SMG6: variants seen among roughly 807,000 people sequenced by gnomAD.
SMG6 encodes SMG6 nonsense mediated mRNA decay factor.
SMG6 carries 66 observed loss-of-function variants against 142.2 expected under a neutral mutation model. The ratio of observed to expected loss-of-function variants is 0.46; its 90% CI spans 0.38 to 0.57. SMG6 has a LOEUF of 0.57. Among genes scored for constraint, SMG6 ranks in the 20% least tolerant of loss-of-function variants. The pLI is 0.00. For synonymous variants in SMG6, 779 were observed against 702.4 expected (o/e 1.11, Z -1.72); for missense variants, 1,793 against 1,832.0 (o/e 0.98, Z 0.39).
chr17:2,105,474 C>G (rs773499853), intron 13 of SMG6, among the ~76,000 whole-genome samples: 1 of 152,028 alleles, frequency 6.6e-6, no homozygotes, highest in African/African-American at 2.4e-5. Context: ...ACTTGGGAGG[C>G]GGAGAGTGCA....
chr17:2,075,766 C>G (rs772200441), intron 15 of SMG6, among the ~76,000 whole-genome samples: 7 of 152,256 alleles, frequency 4.6e-5, no homozygotes, highest in Non-Finnish European at 8.8e-5. Context: ...ACAGGAGGAG[C>G]TGTCTCAGGC....
Position 2,300,038 on chromosome 17 carries a change from CCGGCCTCCCGCGGGCT to C in SMG6, c.699_714del (p.Arg235ProfsTer34). The C allele has an allele frequency of 6.2e-7, 1 of 1,614,178 alleles. No homozygotes were observed. The highest frequency in any genetic ancestry group is 8.5e-7 in the Non-Finnish European group (1 of 1,180,038). On this transcript the variant is annotated frameshift_variant, in exon 2 of 19. Transcript: ENST00000263073. LOFTEE classifies it high-confidence loss of function. The stretch of plus-strand genomic sequence containing the variant: ...GAGCGGGAGTAGCGCTTTGCGGAGC[CCGGCCTCCCGCGGGCT>C]GGGTCGTCGTGGGTTTCCCTCACCC...
chr17:2,219,363 C>T (rs1370850531), intron 10 of SMG6, among the ~76,000 whole-genome samples: 1 of 151,974 alleles, frequency 6.6e-6, no homozygotes, highest in Non-Finnish European at 1.5e-5. Context: ...CCAGCCTGGG[C>T]GGCAGAGCGA....
chr17:2,171,142 T>C (rs550426335), intron 13 of SMG6, among the ~76,000 whole-genome samples: 28 of 151,740 alleles, frequency 1.8e-4, no homozygotes, highest in Middle Eastern at 3.2e-3. Context: ...GGTATGAAGG[T>C]GGGTGCCTGT....
chr17:2,103,895 C>T (rs1018233365), intron 13 of SMG6, among the ~76,000 whole-genome samples: 1 of 152,102 alleles, frequency 6.6e-6, no homozygotes, highest in African/African-American at 2.4e-5. Context: ...CCAGCAACAC[C>T]TCTGTGATGG....
At chr17:2,073,073 T>TTTTTGTTTTG (rs202210323) in intron 15 of SMG6, 3 of 152,140 alleles carry the variant, frequency 2.0e-5, no homozygotes, top group South Asian at 2.1e-4. Context: ...TGATGTGTTT[T>TTTTTGTTTTG]TTTTGTTTTG....
chr17:2,283,819 A>C (rs2074845281), intron 6 of SMG6, 84 bp from the exon 7 acceptor site: 4 of 1,001,844 alleles, frequency 4.0e-6, no homozygotes, highest in South Asian at 2.7e-5. Context: ...AAACCCTACT[A>C]TCTCTCCCAG....
intron 13 of SMG6, among the ~76,000 whole-genome samples, chr17:2,138,796 A>G (rs2070383999): frequency 6.6e-6 from 1 of 152,228 alleles, no homozygotes; most frequent in African/African-American, 2.4e-5. Context: ...TCTCCTAGAA[A>G]TTACTGTATG....
At chr17:2,159,135 C>T (rs1278380388) in intron 13 of SMG6, among the ~76,000 whole-genome samples, 2 of 152,164 alleles carry the variant, frequency 1.3e-5, no homozygotes, top group East Asian at 3.9e-4. Flanking sequence ...ACTATTAAAA[C>T]TATGGCCAGG....
chr17:2,206,332 C>A (rs2072679979), intron 10 of SMG6, among the ~76,000 whole-genome samples: 1 of 152,016 alleles, frequency 6.6e-6, no homozygotes. Flanking sequence ...TGCCTATTAA[C>A]CCCAGCACTT....
intron 13 of SMG6, among the ~76,000 whole-genome samples, chr17:2,156,207 T>C (rs2070997628): frequency 6.6e-6 from 1 of 150,772 alleles, no homozygotes; most frequent in Non-Finnish European, 1.5e-5. Context: ...CTGGGCAACA[T>C]AATGAAACTC....
chr17:2,114,559 T>C (rs2069438628), intron 13 of SMG6, among the ~76,000 whole-genome samples: 2 of 152,100 alleles, frequency 1.3e-5, no homozygotes, highest in South Asian at 4.1e-4. Flanking sequence ...AGATGAGACC[T>C]TAGCGGCAGT....
At chr17:2,105,083 A>AT (rs549898049) in intron 13 of SMG6, among the ~76,000 whole-genome samples, 2,959 of 103,110 alleles carry the variant, frequency 0.029, 123 homozygotes, top group East Asian at 0.052. Context: ...CACCCAGCTA[A>AT]TTTTTTTTTT....
rs557701537 is a variant in SMG6 at position 2,231,114 on chromosome 17, T to C, written c.2869+5378A>G. ...GATTAGGCACTTCATACATTCTGCTTGGGTAAGAGACTCACGACAGAAGTG... is the reference window on the plus strand; with the variant it reads ...GATTAGGCACTTCATACATTCTGCTCGGGTAAGAGACTCACGACAGAAGTG... On this transcript the variant is annotated intron_variant, in intron 10 of 18. Coordinates refer to ENST00000263073, the MANE Select transcript of SMG6 (RefSeq NM_017575.5). Among the ~76,000 whole-genome samples the C allele has an allele frequency of 2.0e-5, 3 of 152,218 alleles. No homozygotes were observed. The East Asian group carries it at 5.8e-4, about 29-fold the overall frequency.
intron 13 of SMG6, among the ~76,000 whole-genome samples, chr17:2,120,066 C>T (rs766591014): frequency 3.9e-5 from 6 of 152,190 alleles, no homozygotes; most frequent in African/African-American, 2.4e-5. Context: ...CCTCGGCCTC[C>T]CAAAGTGCTG....
chr17:2,247,179 C>A (rs2073945660), intron 8 of SMG6, among the ~76,000 whole-genome samples: 1 of 152,168 alleles, frequency 6.6e-6, no homozygotes, highest in Non-Finnish European at 1.5e-5. Context: ...CTCGCTTGAC[C>A]TGTAAACACT....
At position 2,285,980 on chromosome 17, in the gene SMG6, C is replaced by T. The variant is rs185879959; in HGVS notation, c.2338-2245G>A. ...TCAGACACCCCACCTGGCCAAGACCCTGTCTAAAAAAATAGAGAGAAAGAC... is the reference window on the plus strand; with the variant it reads ...TCAGACACCCCACCTGGCCAAGACCTTGTCTAAAAAAATAGAGAGAAAGAC... On this transcript the variant is annotated intron_variant, in intron 6 of 18. Coordinates refer to ENST00000263073, the MANE Select transcript of SMG6 (RefSeq NM_017575.5). 6.0e-4 allele frequency among the ~76,000 whole-genome samples: 91 copies of T among 151,882 alleles called. 3 individuals carry two copies. The Middle Eastern group carries it at 0.027, about 45-fold the overall frequency.
intron 3 of SMG6, 63 bp downstream of exon 3, chr17:2,297,800 A>T (rs1044389627): frequency 1.3e-5 from 20 of 1,545,870 alleles, no homozygotes; most frequent in Non-Finnish European, 1.7e-5. Context: ...CAGGTAGTAA[A>T]AATCCATCGT....
intron 10 of SMG6, among the ~76,000 whole-genome samples, chr17:2,193,422 T>C (rs2072226505): frequency 6.6e-6 from 1 of 152,154 alleles, no homozygotes; most frequent in Non-Finnish European, 1.5e-5. Flanking sequence ...TCTATAGCAA[T>C]GCAAGAACGG....
Sources: allele counts gnomAD v4.1 joint callset (sites outside exome capture counted in the v4.1 genomes callset), GRCh38; gene constraint gnomAD v4.1.1; transcripts MANE v1.5; gene names NCBI Gene and HGNC (gene_info 2026-07-23, HGNC 2026-07-21).